BCAS3: variants seen among roughly 807,000 people sequenced by gnomAD.
The protein encoded by BCAS3 is BCAS4/BCAS3 fusion.
Under a neutral mutation model 116.1 loss-of-function variants are expected in BCAS3, and 53 were observed. That is an observed-to-expected ratio of 0.46 (90% CI 0.37 to 0.57). The LOEUF (loss-of-function observed/expected upper bound fraction) is 0.57. Among genes scored for constraint, BCAS3 ranks in the 20% least tolerant of loss-of-function variants. The probability of loss-of-function intolerance (pLI) is 0.00; values close to 1 mark genes in which losing one functional copy is unlikely to be tolerated. For missense variants in BCAS3, 917 were observed against 1,165.4 expected, an observed-to-expected ratio of 0.79 and a Z score of 3.10; for synonymous variants, 391 against 408.2, an observed-to-expected ratio of 0.96 and a Z score of 0.51.
intron 22 of BCAS3, among the ~76,000 whole-genome samples, chr17:61,247,839 C>T (rs748099016): frequency 1.3e-5 from 2 of 152,200 alleles, no homozygotes; most frequent in Non-Finnish European, 2.9e-5. Context: ...ATCTCACCAA[C>T]CAGGCCTCAG....
intron 7 of BCAS3, among the ~76,000 whole-genome samples, chr17:60,819,044 G>A (rs1003351650): frequency 6.6e-6 from 1 of 152,012 alleles, no homozygotes; most frequent in Non-Finnish European, 1.5e-5. Flanking sequence ...TGACTTTACT[G>A]TTACTTCTAT....
chr17:61,284,778 A>G (rs1430999785), intron 22 of BCAS3, among the ~76,000 whole-genome samples: 1 of 152,082 alleles, frequency 6.6e-6, no homozygotes, highest in African/African-American at 2.4e-5. Flanking sequence ...GTAGAGAAGG[A>G]ATCCTCAGAA....
At position 61,186,082 on chromosome 17, in the gene BCAS3, G is replaced by T. The variant is rs2144198143; in HGVS notation, c.2425+101518G>T. Among the ~76,000 whole-genome samples the T allele has an allele frequency of 6.6e-6, 1 of 152,082 alleles. No individual in the cohort carries two copies. Among genetic ancestry groups the T allele is most frequent in the East Asian group, 1.9e-4 (1 of 5,178 alleles). On this transcript the variant is annotated intron_variant, in intron 22 of 23. Coordinates refer to ENST00000407086, the MANE Select transcript of BCAS3 (RefSeq NM_017679.5). This position sits in a 1 kb window ranked among gnomAD's most constrained non-coding sequence, Gnocchi z 4.9. ...GGTGAAATATAATTTTTATTTTTTT[G>T]CCTAATAGCCAATTGCTTTGAAAAA...
intron 14 of BCAS3, among the ~76,000 whole-genome samples, chr17:60,976,275 C>T (rs1342513922): frequency 1.3e-5 from 2 of 151,560 alleles, no homozygotes; most frequent in East Asian, 1.9e-4. Flanking sequence ...CCACCCGCCT[C>T]GGCCTGCCAA....
chr17:60,940,094 A>G (rs1348488989), intron 13 of BCAS3, among the ~76,000 whole-genome samples: 1 of 152,240 alleles, frequency 6.6e-6, no homozygotes, highest in African/African-American at 2.4e-5. Context: ...ACTGCTAAAA[A>G]TGCAGGAGGA....
chr17:61,121,598 A>G (rs1187208443), intron 22 of BCAS3, among the ~76,000 whole-genome samples: 2 of 152,248 alleles, frequency 1.3e-5, no homozygotes, highest in South Asian at 4.1e-4. Flanking sequence ...ACACGAAGGA[A>G]ACAGATCAAA....
At position 61,333,837 on chromosome 17, in the gene BCAS3, C is replaced by T. The variant is rs1480351489; in HGVS notation, c.2426-34490C>T. Among the ~76,000 whole-genome samples the T allele has an allele frequency of 6.6e-6, 1 of 152,138 alleles. No homozygotes were observed. Among genetic ancestry groups the T allele is most frequent in the Non-Finnish European group, 1.5e-5 (1 of 68,032 alleles). Reference sequence around the variant, plus strand: ...GTTTCACCATGTTGGCCAAGCCGGTCTCAAACTCCTTACCTCAAGTGATCC... The same window carrying T: ...GTTTCACCATGTTGGCCAAGCCGGTTTCAAACTCCTTACCTCAAGTGATCC... On this transcript the variant is annotated intron_variant, in intron 22 of 23. Coordinates refer to ENST00000407086, the MANE Select transcript of BCAS3 (RefSeq NM_017679.5). The surrounding 1 kb of genome is among the most constrained non-coding windows in gnomAD (Gnocchi z 4.8).
In BCAS3 at chr17:61,029,346, A is replaced by G. The variant is rs1255843299; in HGVS notation, c.1638-5320A>G. On this transcript the variant is annotated intron_variant, in intron 16 of 23. Transcript: ENST00000407086. The surrounding 1 kb of genome is among the most constrained non-coding windows in gnomAD (Gnocchi z 5.2). ...TACAGTCGTTCCCTTTGGTAACAAAATAAGCTTGTTGGAAAGTAAACTATG... is the reference window on the plus strand; with the variant it reads ...TACAGTCGTTCCCTTTGGTAACAAAGTAAGCTTGTTGGAAAGTAAACTATG... Among the ~76,000 whole-genome samples the G allele has an allele frequency of 6.6e-6, 1 of 151,978 alleles. No homozygotes were observed. Among genetic ancestry groups the G allele is most frequent in the African/African-American group, 2.4e-5 (1 of 41,436 alleles).
intron 19 of BCAS3, among the ~76,000 whole-genome samples, chr17:61,052,614 G>A (rs947036100): frequency 6.6e-6 from 1 of 151,858 alleles, no homozygotes. Context: ...AAGTCTTACT[G>A]TAACCTGACT....
In BCAS3 at chr17:61,004,985, A is replaced by T. The variant is rs573196210; in HGVS notation, c.1487-10766A>T. Among the ~76,000 whole-genome samples the T allele has an allele frequency of 2.4e-3, 361 of 152,238 alleles. 5 individuals carry two copies. Among genetic ancestry groups the T allele is most frequent in the South Asian group, 4.1e-4 (2 of 4,826 alleles). The stretch of plus-strand genomic sequence containing the variant: ...GTGTCTATATTTGATAAAACCATAG[A>T]TGAGGGAAAAAATACCATGACAGTA... On this transcript the variant is annotated intron_variant, in intron 15 of 23. Coordinates refer to ENST00000407086, the MANE Select transcript of BCAS3 (RefSeq NM_017679.5). The surrounding 1 kb of genome is among the most constrained non-coding windows in gnomAD (Gnocchi z 4.8).
At chr17:61,127,104 TAC>T (rs2076086143) in intron 22 of BCAS3, among the ~76,000 whole-genome samples, 1 of 152,218 alleles carries the variant, frequency 6.6e-6, no homozygotes, top group African/African-American at 2.4e-5. Flanking sequence ...CACTACCAGC[TAC>T]ACACATGCAG....
At chr17:60,816,387 G>C (rs2049409280) in intron 7 of BCAS3, among the ~76,000 whole-genome samples, 3 of 149,862 alleles carry the variant, frequency 2.0e-5, no homozygotes, top group Admixed American at 2.0e-4. Context: ...CGATTCTCCT[G>C]CCTCAGCCTC....
intron 7 of BCAS3, among the ~76,000 whole-genome samples, chr17:60,828,130 A>G (rs943446311): frequency 6.6e-5 from 10 of 152,216 alleles, no homozygotes; most frequent in African/African-American, 2.4e-4. Context: ...GGTCCAGTCA[A>G]CTTCAGGCTT....
Position 61,261,257 on chromosome 17 carries a change from G to C in BCAS3, c.2426-107070G>C, listed in dbSNP as rs2049178687. On this transcript the variant is annotated intron_variant, in intron 22 of 23. Transcript: ENST00000407086. The surrounding 1 kb of genome is among the most constrained non-coding windows in gnomAD (Gnocchi z 4.4). Reference sequence around the variant, plus strand: ...TGGCAGTTATTAAACACTGATTCAAGAATATGTTTAGAGGAGCTGCGACCC... The same window carrying C: ...TGGCAGTTATTAAACACTGATTCAACAATATGTTTAGAGGAGCTGCGACCC... Among the ~76,000 whole-genome samples, 1 of 152,182 alleles carries C rather than the reference G, an allele frequency of 6.6e-6. No individual in the cohort carries two copies. The highest frequency in any genetic ancestry group is 1.5e-5 in the Non-Finnish European group (1 of 68,044).
At chr17:60,857,747 C>T (rs1055726260) in intron 7 of BCAS3, among the ~76,000 whole-genome samples, 3 of 152,244 alleles carry the variant, frequency 2.0e-5, no homozygotes, top group African/African-American at 4.8e-5. Flanking sequence ...TGGCAGGAAA[C>T]GTGCTGACTC....
At position 61,368,815 on chromosome 17, in the gene BCAS3, G is replaced by A. The variant is rs1445579338; in HGVS notation, c.2593+321G>A. Among the ~76,000 whole-genome samples, 1 of 152,220 alleles carries A rather than the reference G, an allele frequency of 6.6e-6. No individual in the cohort carries two copies. Among genetic ancestry groups the A allele is most frequent in the East Asian group, 1.9e-4 (1 of 5,188 alleles). On this transcript the variant is annotated intron_variant, in intron 23 of 23. Transcript: ENST00000407086. The surrounding 1 kb of genome is among the most constrained non-coding windows in gnomAD (Gnocchi z 6.0). ...TCTTCCAGCAGCGCTCAGGCACTGA[G>A]TCCTCAGGTTGTACCTCTTCAGACA...
At chr17:61,089,054 G>A (rs1410346010) in intron 22 of BCAS3, among the ~76,000 whole-genome samples, 2 of 152,108 alleles carry the variant, frequency 1.3e-5, no homozygotes, top group East Asian at 3.8e-4. Context: ...CAGTAAATAG[G>A]GACAAAGTTG....
intron 5 of BCAS3, among the ~76,000 whole-genome samples, chr17:60,738,920 T>G (rs1262569701): frequency 3.3e-5 from 5 of 152,166 alleles, no homozygotes; most frequent in Admixed American, 6.5e-5. Context: ...TTATTTTTTT[T>G]AATTGTTGCT....
intron 22 of BCAS3, among the ~76,000 whole-genome samples, chr17:61,292,292 C>CT (rs2052493288): frequency 6.6e-6 from 1 of 152,078 alleles, no homozygotes; most frequent in South Asian, 2.1e-4. Context: ...TTGTATTTTT[C>CT]TTTTTTATTC....
Sources: allele counts gnomAD v4.1 joint callset (sites outside exome capture counted in the v4.1 genomes callset), GRCh38; gene constraint gnomAD v4.1.1; non-coding constraint Gnocchi (gnomAD v3.1); transcripts MANE v1.5; gene names NCBI Gene and HGNC (gene_info 2026-07-23, HGNC 2026-07-21).